CCN4: variants seen among roughly 807,000 people sequenced by gnomAD.
The protein encoded by CCN4 is cellular communication network factor 4, also known as CCN family member 4.
CCN4 carries 30 observed loss-of-function variants against 36.7 expected under a neutral mutation model. The ratio of observed to expected loss-of-function variants is 0.82; its 90% CI spans 0.61 to 1.11. The LOEUF is 1.11. CCN4 is among the 50% of genes least tolerant of loss of function. The pLI, the probability that CCN4 is intolerant of heterozygous loss-of-function variation, is 0.00. For missense variants in CCN4, 505 were observed against 504.9 expected (o/e 1.00, Z 0.00); for synonymous variants, 191 against 195.4 (o/e 0.98, Z 0.19).
intron 4 of CCN4, 72 bp downstream of exon 4, chr8:133,225,655 A>G: frequency 7.1e-7 from 1 of 1,400,256 alleles, no homozygotes; most frequent in Non-Finnish European, 9.4e-7. Context: ...TGGCTCCTGA[A>G]CTTCCTCGTG....
rs1251587461 is a variant in CCN4, at chr8:133,229,258, TC to T, written c.*1553del. 6.6e-6 allele frequency: 1 copy of T among 152,188 alleles called. No individual in the cohort carries two copies. The highest frequency in any genetic ancestry group is 1.5e-5 in the Non-Finnish European group (1 of 68,040). The allele number at this position is 152,188 out of a possible 1,614,324, so 9.4% of individuals were successfully genotyped here. ...TGGACTGTCTTTATAACCCATATTT[TC>T]CCCCTGTTTTTAGAGCTTCCAAATG... On this transcript the variant is annotated 3_prime_UTR_variant, in exon 5 of 5. Coordinates refer to ENST00000250160, the MANE Select transcript of CCN4 (RefSeq NM_003882.4).
At position 133,213,122 on chromosome 8, in the gene CCN4, T is replaced by C. The variant is rs1320992411; in HGVS notation, c.328T>C (p.Tyr110His). The part of the protein sequence containing the change: ...YCDYSGDRPR[Y>H]AIGVCAQVVG... ...TGACTACAGCGGGGACCGCCCGAGG[T>C]ACGCAATAGGAGTGTGTGCACGTAA... The change falls in exon 2 of 5, where the codon TAC becomes CAC. Residue 110 changes from tyrosine to histidine, a missense_variant. Tyr to His is a moderately conservative substitution (Grantham distance 83). Transcript: ENST00000250160. The C allele has an allele frequency of 6.2e-7, 1 of 1,609,372 alleles. No individual in the cohort carries two copies. Among genetic ancestry groups the C allele is most frequent in the Non-Finnish European group, 8.5e-7 (1 of 1,178,346 alleles).
At chr8:133,203,213 G>C (rs1217770777) in intron 1 of CCN4, among the ~76,000 whole-genome samples, 1 of 152,188 alleles carries the variant, frequency 6.6e-6, no homozygotes, top group Non-Finnish European at 1.5e-5. Flanking sequence ...AGGGCAACCC[G>C]TCCCTGAGAA....
Position 133,214,982 on chromosome 8 carries a change from C to T in CCN4, c.349+1839C>T, listed in dbSNP as rs183604750. ...TGGTTAATTTATGACAGTTTCTTCT[C>T]TTTTATCATTGGTTCATGCTTCAAC... is the stretch of plus-strand genomic sequence containing the variant. On this transcript the variant is annotated intron_variant, in intron 2 of 4. Coordinates refer to ENST00000250160, the MANE Select transcript of CCN4 (RefSeq NM_003882.4). Among the ~76,000 whole-genome samples the T allele has an allele frequency of 1.2e-4, 19 of 152,306 alleles. No individual in the cohort carries two copies. In the East Asian group the frequency reaches 3.3e-3, roughly 26 times the overall value.
chr8:133,197,657 C>A (rs186548165), intron 1 of CCN4, among the ~76,000 whole-genome samples: 1 of 152,186 alleles, frequency 6.6e-6, no homozygotes, highest in African/African-American at 2.4e-5. Flanking sequence ...CCAGGGGATG[C>A]GATAAAATCT....
At chr8:133,221,278 TA>T (rs1437882428) in intron 3 of CCN4, among the ~76,000 whole-genome samples, 1 of 152,154 alleles carries the variant, frequency 6.6e-6, no homozygotes, top group Non-Finnish European at 1.5e-5. Flanking sequence ...TTCAGCCAGG[TA>T]AACCAGATAA....
intron 1 of CCN4, among the ~76,000 whole-genome samples, chr8:133,193,623 C>T (rs1295658567): frequency 6.6e-6 from 1 of 152,160 alleles, no homozygotes; most frequent in African/African-American, 2.4e-5. Flanking sequence ...CTCAGTTCAC[C>T]CAACAAACAT....
intron 1 of CCN4, among the ~76,000 whole-genome samples, chr8:133,199,639 T>C (rs1853515185): frequency 6.6e-6 from 1 of 152,146 alleles, no homozygotes; most frequent in African/African-American, 2.4e-5. Flanking sequence ...GGAGTGAGAT[T>C]GCAGCCACCT....
chr8:133,195,372 T>G (rs536515176), intron 1 of CCN4, among the ~76,000 whole-genome samples: 1 of 152,142 alleles, frequency 6.6e-6, no homozygotes, highest in South Asian at 2.1e-4. Context: ...ACTCATTCTC[T>G]GCTTCCAGAA....
chr8:133,191,890 GTC>G (rs902481452), intron 1 of CCN4, among the ~76,000 whole-genome samples: 3 of 152,086 alleles, frequency 2.0e-5, no homozygotes, highest in Non-Finnish European at 4.4e-5. Flanking sequence ...GCACCCCAGA[GTC>G]TCTCTCTCTT....
At position 133,228,469 on chromosome 8, in the gene CCN4, A is replaced by G. The variant is rs1426460055; in HGVS notation, c.*759A>G. On this transcript the variant is annotated 3_prime_UTR_variant, in exon 5 of 5. Transcript: ENST00000250160. ...AGGTCAGCCCGTTTCAGAAGGACCA[A>G]TTGACTCTCACACTGAATCAGCTGC... 1.3e-5 allele frequency: 2 copies of G among 152,210 alleles called. No individual in the cohort carries two copies. Among genetic ancestry groups the G allele is most frequent in the African/African-American group, 2.4e-5 (1 of 41,460 alleles). 9.4% of individuals were successfully genotyped at this position (152,210 alleles called of 1,614,324 possible).
At chr8:133,197,528 C>CA in intron 1 of CCN4, among the ~76,000 whole-genome samples, 1 of 152,200 alleles carries the variant, frequency 6.6e-6, no homozygotes, top group South Asian at 2.1e-4. Context: ...GTCTCCCCCC[C>CA]AGCTCTGACA....
chr8:133,197,210 C>G (rs7007905), intron 1 of CCN4, among the ~76,000 whole-genome samples: 37,296 of 151,804 alleles, frequency 0.25, 5,080 homozygotes, highest in Middle Eastern at 0.34. Context: ...TTTCCATGGA[C>G]CCCAACAGAC....
At chr8:133,219,426 G>A (rs904039458) in intron 2 of CCN4, among the ~76,000 whole-genome samples, 4 of 152,112 alleles carry the variant, frequency 2.6e-5, no homozygotes, top group Non-Finnish European at 4.4e-5. Context: ...TTTGCTGAGC[G>A]TCATCACCCA....
rs1854825128 is a variant in CCN4, at chr8:133,228,382, A to G, written c.*672A>G. The G allele has an allele frequency of 6.6e-6, 1 of 152,244 alleles. No individual in the cohort carries two copies. Among genetic ancestry groups the G allele is most frequent in the Non-Finnish European group, 1.5e-5 (1 of 68,054 alleles). 9.4% of individuals were successfully genotyped at this position (152,244 alleles called of 1,614,324 possible). A position where few individuals can be genotyped will look rare whatever the true frequency, so the allele number is the denominator to read the frequency against. ...ATTAGGTTTGTCCCAGTCAGAAATA[A>G]AATTTGATAAACATTCCTGTTGATG... is the stretch of plus-strand genomic sequence containing the variant. On this transcript the variant is annotated 3_prime_UTR_variant, in exon 5 of 5. Transcript: ENST00000250160.
rs536163450 is a variant in CCN4 at position 133,194,903 on chromosome 8, T to G, written c.69+3690T>G. 1.3e-3 allele frequency among the ~76,000 whole-genome samples: 189 copies of G among 142,472 alleles called. 2 individuals carry two copies. The highest frequency in any genetic ancestry group is 2.4e-3 in the Non-Finnish European group (159 of 65,524). 93.5% of individuals were successfully genotyped at this position (142,472 alleles called of 152,430 possible). A position where few individuals can be genotyped will look rare whatever the true frequency, so the allele number is the denominator to read the frequency against. ...TTTGTGTGTGTATGTGTGTGGTGTG[T>G]GTACTGAGTGTGTATATGGTGTGTT... On this transcript the variant is annotated intron_variant, in intron 1 of 4. Transcript: ENST00000250160.
Position 133,216,786 on chromosome 8 carries a change from A to C in CCN4, c.349+3643A>C, listed in dbSNP as rs193133562. ...TTGCTAGCTACGTGACCATGTGCAC[A>C]TCACTTAAGGAGTGTCATAAAACCA... On this transcript the variant is annotated intron_variant, in intron 2 of 4. Coordinates refer to ENST00000250160, the MANE Select transcript of CCN4 (RefSeq NM_003882.4). Among the ~76,000 whole-genome samples the C allele has an allele frequency of 7.6e-4, 116 of 152,384 alleles. 1 individual carries two copies. The Middle Eastern group carries it at 0.014, about 18-fold the overall frequency.
At chr8:133,209,143 T>C (rs762251137) in intron 1 of CCN4, among the ~76,000 whole-genome samples, 2 of 152,216 alleles carry the variant, frequency 1.3e-5, no homozygotes, top group African/African-American at 4.8e-5. Flanking sequence ...CTGTCAGTGC[T>C]GGAGGGCGGA....
chr8:133,198,162 C>T (rs547838462), intron 1 of CCN4, among the ~76,000 whole-genome samples: 8 of 152,298 alleles, frequency 5.3e-5, no homozygotes, highest in Admixed American at 2.0e-4. Context: ...ATTCATTCAT[C>T]GGGCAGATCC....
Sources: allele counts gnomAD v4.1 joint callset (sites outside exome capture counted in the v4.1 genomes callset), GRCh38; gene constraint gnomAD v4.1.1; transcripts MANE v1.5; gene names NCBI Gene and HGNC (gene_info 2026-07-23, HGNC 2026-07-21).